DNAH2: variants seen among roughly 807,000 people sequenced by gnomAD.
The protein encoded by DNAH2 is axonemal beta dynein heavy chain 2.
DNAH2 carries 323 observed loss-of-function variants against 523.5 expected under a neutral mutation model. The ratio of observed to expected loss-of-function variants is 0.62; its 90% CI spans 0.56 to 0.68. The LOEUF is 0.68. Among genes scored for constraint, DNAH2 ranks in the 30% least tolerant of loss-of-function variants. The pLI is 0.00. For synonymous variants in DNAH2, 2,093 were observed against 2,177.4 expected (o/e 0.96, Z 1.08); for missense variants, 4,907 against 5,701.5 (o/e 0.86, Z 4.49).
chr17:7,737,826 G>A, intron 8 of DNAH2: 3 of 636,964 alleles, frequency 4.7e-6, no homozygotes, highest in Non-Finnish European at 8.6e-6. Context: ...CAGGGGTGGA[G>A]AACCAGGGGT....
chr17:7,818,816 A>G, intron 70 of DNAH2, 40 bp downstream of exon 70: 2 of 1,612,116 alleles, frequency 1.2e-6, no homozygotes, highest in South Asian at 1.1e-5. Context: ...CCACGGGTCT[A>G]CTCCCAGCCA....
Position 7,780,367 on chromosome 17 carries a change from C to T in DNAH2, c.5850+83C>T. 1.3e-6 allele frequency: 2 copies of T among 1,585,306 alleles called. No homozygotes were observed. Among genetic ancestry groups the T allele is most frequent in the Non-Finnish European group, 1.7e-6 (2 of 1,161,834 alleles). Reference sequence around the variant, plus strand: ...GGACAGAGGAGCTCCCCAAGGGCCTCACAATCAGCTTATCCTCTAAGGAAC... The same window carrying T: ...GGACAGAGGAGCTCCCCAAGGGCCTTACAATCAGCTTATCCTCTAAGGAAC... On this transcript the variant is annotated intron_variant, in intron 37 of 85. Coordinates refer to ENST00000572933, the MANE Select transcript of DNAH2 (RefSeq NM_020877.5). This position sits in a 1 kb window ranked among gnomAD's most constrained non-coding sequence, Gnocchi z 4.4.
Position 7,833,215 on chromosome 17 carries a change from G to A in DNAH2, c.13123G>A (p.Ala4375Thr), listed in dbSNP as rs765844181. The A allele has an allele frequency of 2.5e-6, 4 of 1,606,718 alleles. No individual in the cohort carries two copies. Among genetic ancestry groups the A allele is most frequent in the African/African-American group, 1.3e-5 (1 of 74,916 alleles). Residue 4375 changes from alanine to threonine, a missense_variant, in exon 85 of 86, where the codon GCC (alanine) becomes ACC (threonine). Transcript: ENST00000572933. ...GCCTGCAGAGAGCCGCAAGAAGAGC[G>A]CCAAGGGTGGGACAGCTCCCCAGGC... Reference protein sequence around the residue: ...FRPAESRKKSAKGMYSCPCYY... With the variant: ...FRPAESRKKSTKGMYSCPCYY...
rs1375707626 is a variant in DNAH2 at position 7,770,160 on chromosome 17, G to T, written c.3942-92G>T. On this transcript the variant is annotated intron_variant, in intron 24 of 85. Coordinates refer to ENST00000572933, the MANE Select transcript of DNAH2 (RefSeq NM_020877.5). Reference sequence around the variant, plus strand: ...GCAAAATGAGTTGAATCATGAATTGGTAACTATGCAGAATCATAGTGTCCC... The same window carrying T: ...GCAAAATGAGTTGAATCATGAATTGTTAACTATGCAGAATCATAGTGTCCC... 4 of 1,448,600 alleles carry T rather than the reference G, an allele frequency of 2.8e-6. No homozygotes were observed. The Admixed American group carries it at 7.3e-5, about 26-fold the overall frequency. The allele number at this position is 1,448,600 out of a possible 1,614,324, so 89.7% of individuals were successfully genotyped here.
At chr17:7,746,384 T>G (rs1392932611) in intron 12 of DNAH2, among the ~76,000 whole-genome samples, 1 of 152,176 alleles carries the variant, frequency 6.6e-6, no homozygotes, top group Non-Finnish European at 1.5e-5. Flanking sequence ...GTATCCTTTT[T>G]TGCATAAATA....
intron 44 of DNAH2, among the ~76,000 whole-genome samples, 163 bp from the exon 45 acceptor site, chr17:7,791,754 A>G (rs1412684092): frequency 6.6e-6 from 1 of 152,178 alleles, no homozygotes; most frequent in African/African-American, 2.4e-5. Context: ...GTCTTTCAGC[A>G]GGTTGTAGAT....
At chr17:7,781,982 A>G (rs2076615499) in intron 39 of DNAH2, among the ~76,000 whole-genome samples, 1 of 152,230 alleles carries the variant, frequency 6.6e-6, no homozygotes, top group African/African-American at 2.4e-5. Context: ...ATGATGGATA[A>G]AAATATAATA....
At chr17:7,748,807 ATT>A (rs762032878) in intron 12 of DNAH2, among the ~76,000 whole-genome samples, 7 of 143,498 alleles carry the variant, frequency 4.9e-5, no homozygotes, top group African/African-American at 7.6e-5. Context: ...CGCCACACAG[ATT>A]TTTTTTTTTT....
intron 56 of DNAH2, among the ~76,000 whole-genome samples, chr17:7,800,815 C>T (rs1443223252): frequency 6.8e-6 from 1 of 148,076 alleles, no homozygotes; most frequent in African/African-American, 2.5e-5. Flanking sequence ...TGCAGTGAGC[C>T]TAGATGGCGC....
Position 7,798,512 on chromosome 17 carries a change from A to G in DNAH2, c.8399-46A>G. ...TCTCAGAAAAGGAATCAAGCCCAGG[A>G]TGGGGAATCTGCAGTGAGTTTGTCC... On this transcript the variant is annotated intron_variant, in intron 54 of 85. Coordinates refer to ENST00000572933, the MANE Select transcript of DNAH2 (RefSeq NM_020877.5). This position sits in a 1 kb window ranked among gnomAD's most constrained non-coding sequence, Gnocchi z 5.5. 2.5e-6 allele frequency: 4 copies of G among 1,608,308 alleles called. No homozygotes were observed. Among genetic ancestry groups the G allele is most frequent in the Admixed American group, 1.7e-5 (1 of 59,802 alleles).
rs1240745689 is a variant in DNAH2 at position 7,777,595 on chromosome 17, C to T, written c.5208C>T (p.Ser1736=). The T allele has an allele frequency of 1.2e-6, 2 of 1,614,192 alleles. No homozygotes were observed. The highest frequency in any genetic ancestry group is 1.7e-6 in the Non-Finnish European group (2 of 1,180,034). ...LYKSGLMDVN[S]FDWLSQLRFY... is the part of the protein sequence containing the mutation. ...AGAGTGGCCTCATGGATGTCAATTCCTTTGACTGGCTCAGCCAACTTCGGT... is the reference window on the plus strand; with the variant it reads ...AGAGTGGCCTCATGGATGTCAATTCTTTTGACTGGCTCAGCCAACTTCGGT... Residue 1736 remains serine, a synonymous_variant, in exon 33 of 86, where the codon TCC becomes TCT. Coordinates refer to ENST00000572933, the MANE Select transcript of DNAH2 (RefSeq NM_020877.5).
In DNAH2 at chr17:7,798,486, A is replaced by G. The variant is rs2077130309; in HGVS notation, c.8399-72A>G. ...GCTGCGGGGCGGGGAGGGTTCCTAA[A>G]TCTCAGAAAAGGAATCAAGCCCAGG... is the stretch of plus-strand genomic sequence containing the variant. On this transcript the variant is annotated intron_variant, in intron 54 of 85. Coordinates refer to ENST00000572933, the MANE Select transcript of DNAH2 (RefSeq NM_020877.5). The surrounding 1 kb of genome is among the most constrained non-coding windows in gnomAD (Gnocchi z 5.5). 1 of 1,589,302 alleles carries G rather than the reference A, an allele frequency of 6.3e-7. No individual in the cohort carries two copies. Among genetic ancestry groups the G allele is most frequent in the African/African-American group, 1.3e-5 (1 of 74,554 alleles).
At chr17:7,725,068 CT>C (rs1439739280) in intron 3 of DNAH2, among the ~76,000 whole-genome samples, 2 of 150,100 alleles carry the variant, frequency 1.3e-5, no homozygotes, top group Non-Finnish European at 3.0e-5. Context: ...TGTATTAAAC[CT>C]TTTCACAAAA....
chr17:7,823,693 T>C (rs2151335589), intron 74 of DNAH2, 65 bp downstream of exon 74: 1 of 1,589,138 alleles, frequency 6.3e-7, no homozygotes, highest in South Asian at 1.1e-5. Context: ...ATGCCGGCCC[T>C]TCCCATTGTC....
intron 44 of DNAH2, among the ~76,000 whole-genome samples, chr17:7,789,445 G>A (rs552307644): frequency 6.6e-6 from 1 of 152,212 alleles, no homozygotes; most frequent in Non-Finnish European, 1.5e-5. Context: ...CCTGAGGAGA[G>A]GGCTGGACCA....
intron 4 of DNAH2, 120 bp from the exon 5 acceptor site, chr17:7,732,967 C>T: frequency 5.4e-6 from 5 of 922,230 alleles, no homozygotes; most frequent in Non-Finnish European, 8.2e-6. Context: ...CATGGCACTT[C>T]CATTTAGAGA....
intron 12 of DNAH2, among the ~76,000 whole-genome samples, chr17:7,750,103 C>T (rs1054695611): frequency 1.3e-5 from 2 of 151,968 alleles, no homozygotes; most frequent in African/African-American, 2.4e-5. Flanking sequence ...CAGGTTCAAG[C>T]GATTCTCCTA....
intron 63 of DNAH2, among the ~76,000 whole-genome samples, chr17:7,810,158 G>A (rs2077474587): frequency 6.6e-6 from 1 of 151,106 alleles, no homozygotes; most frequent in African/African-American, 2.4e-5. Flanking sequence ...TGACTTCCTG[G>A]GCTCTGGTGA....
At chr17:7,753,097 G>A (rs2075734716) in intron 12 of DNAH2, among the ~76,000 whole-genome samples, 1 of 152,208 alleles carries the variant, frequency 6.6e-6, no homozygotes, top group Non-Finnish European at 1.5e-5. Flanking sequence ...TTGGAGGTAG[G>A]TGTCTGAATT....
Sources: gnomAD v4.1 joint callset for allele counts (sites outside exome capture counted in the v4.1 genomes callset) on GRCh38, gnomAD v4.1.1 for gene constraint, Gnocchi (gnomAD v3.1) non-coding constraint, MANE v1.5 for transcripts, NCBI Gene and HGNC (gene_info 2026-07-23, HGNC 2026-07-21) for gene names.